Variants in THSD4 observed in about 807,000 individuals in gnomAD.
THSD4 encodes the protein thrombospondin type 1 domain containing 4.
In THSD4, 69 loss-of-function variants were observed where a neutral mutation model predicts 119.0. The ratio of observed to expected loss-of-function variants is 0.58; its 90% CI spans 0.48 to 0.71. The LOEUF (loss-of-function observed/expected upper bound fraction) is 0.71. Among genes scored for constraint, THSD4 ranks in the 30% least tolerant of loss-of-function variants. THSD4 has a pLI of 0.00. For missense variants in THSD4, 1,393 were observed against 1,391.1 expected (o/e 1.00, Z -0.02); for synonymous variants, 524 against 540.4 (o/e 0.97, Z 0.42).
intron 14 of THSD4, among the ~76,000 whole-genome samples, chr15:71,757,592 G>T: frequency 6.6e-6 from 1 of 152,222 alleles, no homozygotes; most frequent in East Asian, 1.9e-4. Flanking sequence ...CACAATACCC[G>T]GCCAAGCTGA....
At chr15:71,387,359 C>T (rs759155623) in intron 6 of THSD4, among the ~76,000 whole-genome samples, 5 of 152,096 alleles carry the variant, frequency 3.3e-5, no homozygotes, top group Non-Finnish European at 7.4e-5. Flanking sequence ...ACCCAAGAAT[C>T]GGGGCTTACA....
intron 4 of THSD4, among the ~76,000 whole-genome samples, chr15:71,236,579 A>G (rs1015726089): frequency 6.6e-6 from 1 of 152,234 alleles, no homozygotes; most frequent in Admixed American, 6.5e-5. Context: ...CAGAAATTAA[A>G]CAGGCACAAT....
intron 4 of THSD4, among the ~76,000 whole-genome samples, chr15:71,234,462 C>T (rs145876321): frequency 1.9e-3 from 286 of 152,276 alleles, no homozygotes; most frequent in African/African-American, 6.4e-3. Context: ...ATACCCACCA[C>T]GCCCAGCTGA....
intron 8 of THSD4, among the ~76,000 whole-genome samples, chr15:71,711,448 G>C (rs999865708): frequency 2.1e-4 from 32 of 151,856 alleles, no homozygotes; most frequent in African/African-American, 7.5e-4. Flanking sequence ...AGTTCAAAGA[G>C]ATATGACCAA....
At chr15:71,560,440 A>C (rs895575887) in intron 7 of THSD4, among the ~76,000 whole-genome samples, 1 of 152,188 alleles carries the variant, frequency 6.6e-6, no homozygotes, top group Admixed American at 6.5e-5. Context: ...TAGGTTAGTG[A>C]GGGCTAAGAT....
chr15:71,201,368 T>A (rs1726748619), intron 3 of THSD4, among the ~76,000 whole-genome samples: 1 of 152,196 alleles, frequency 6.6e-6, no homozygotes, highest in Non-Finnish European at 1.5e-5. Flanking sequence ...GTGGATTAAA[T>A]GACTTTATGA....
In THSD4 at chr15:71,277,128, C is replaced by CTTTTTTTTTTTTTTTTTTTTTTT. The variant is rs779207517; in HGVS notation, c.1015+20427_1015+20428insTTTTTTTTTTTTTTTTTTTTTTT. On this transcript the variant is annotated intron_variant, in intron 6 of 17. Coordinates refer to ENST00000261862, the MANE Select transcript of THSD4 (RefSeq NM_024817.3). ...TATTTGTATTTGAATTCTTCTTCTT[C>CTTTTTTTTTTTTTTTTTTTTTTT]TTTTTTTTTTTTTTGAAACGGAGTT... is the stretch of plus-strand genomic sequence containing the variant. 9.0e-4 allele frequency among the ~76,000 whole-genome samples: 111 copies of CTTTTTTTTTTTTTTTTTTTTTTT among 122,970 alleles called. 4 individuals carry two copies. The highest frequency in any genetic ancestry group is 1.6e-3 in the East Asian group (6 of 3,698). The allele number at this position is 122,970 out of a possible 152,430, so 80.7% of individuals were successfully genotyped here. A position where few individuals can be genotyped will look rare whatever the true frequency, so the allele number is the denominator to read the frequency against.
intron 6 of THSD4, among the ~76,000 whole-genome samples, chr15:71,322,659 G>A (rs1358872589): frequency 6.6e-6 from 1 of 152,188 alleles, no homozygotes; most frequent in African/African-American, 2.4e-5. Flanking sequence ...GGCTGGTGCT[G>A]GAGGATGGAC....
intron 6 of THSD4, among the ~76,000 whole-genome samples, chr15:71,268,313 C>T (rs1448082813): frequency 2.0e-5 from 3 of 152,126 alleles, no homozygotes; most frequent in South Asian, 2.1e-4. Flanking sequence ...CACTCAAAAC[C>T]GCACAACTGC....
At chr15:71,218,697 A>G (rs1421967181) in intron 4 of THSD4, among the ~76,000 whole-genome samples, 5 of 152,214 alleles carry the variant, frequency 3.3e-5, no homozygotes, top group African/African-American at 1.2e-4. Context: ...AGGTACTTGC[A>G]TAGTATATTT....
In THSD4 at chr15:71,130,573, C is replaced by A. The variant is rs560433162; in HGVS notation, c.-79-10876C>A. Among the ~76,000 whole-genome samples the A allele has an allele frequency of 8.5e-5, 13 of 152,300 alleles. No individual in the cohort carries two copies. In the East Asian group the frequency reaches 2.5e-3, roughly 29 times the overall value. Reference sequence around the variant, plus strand: ...ATTCAAATCGTGCTGCTGCCACTTACTACTTGTGTGACTCTGAGTAGGCAT... The same window carrying A: ...ATTCAAATCGTGCTGCTGCCACTTAATACTTGTGTGACTCTGAGTAGGCAT... On this transcript the variant is annotated intron_variant, in intron 1 of 17. Transcript: ENST00000261862.
At chr15:71,169,269 A>G (rs550495015) in intron 3 of THSD4, among the ~76,000 whole-genome samples, 31 of 152,332 alleles carry the variant, frequency 2.0e-4, no homozygotes, top group Admixed American at 1.4e-3. Flanking sequence ...GGCTAAAATA[A>G]AAAACACTAC....
rs531673980 is a variant in THSD4 at position 71,609,245 on chromosome 15, C to T, written c.1153-51285C>T. ...GCAATAAGTAACACATATATGAATT[C>T]ATACAAATTAGTTAACAAATACAAG... On this transcript the variant is annotated intron_variant, in intron 7 of 17. Transcript: ENST00000261862. Among the ~76,000 whole-genome samples, 7 of 152,256 alleles carry T rather than the reference C, an allele frequency of 4.6e-5. No homozygotes were observed. In the South Asian group the frequency reaches 1.2e-3, roughly 27 times the overall value.
rs557932164 is a variant in THSD4 at position 71,698,774 on chromosome 15, G to A, written c.1358-29775G>A. Among the ~76,000 whole-genome samples the A allele has an allele frequency of 2.6e-4, 39 of 151,716 alleles. No homozygotes were observed. In the South Asian group the frequency reaches 7.9e-3, roughly 31 times the overall value. Reference sequence around the variant, plus strand: ...AAATTCTGACATTTGTGACAACATGGGTGAACCTGAAGGACATTATGCCAA... The same window carrying A: ...AAATTCTGACATTTGTGACAACATGAGTGAACCTGAAGGACATTATGCCAA... On this transcript the variant is annotated intron_variant, in intron 8 of 17. Transcript: ENST00000261862.
At chr15:71,717,231 A>C (rs2141104488) in intron 8 of THSD4, among the ~76,000 whole-genome samples, 1 of 152,338 alleles carries the variant, frequency 6.6e-6, no homozygotes, top group African/African-American at 2.4e-5. Context: ...AGAAATTTAA[A>C]ACCAGGCTCC....
At chr15:71,713,821 T>C (rs1312625033) in intron 8 of THSD4, among the ~76,000 whole-genome samples, 3 of 152,216 alleles carry the variant, frequency 2.0e-5, no homozygotes, top group Non-Finnish European at 4.4e-5. Context: ...AAAGCATTGA[T>C]GTTTTAACAG....
Position 71,780,983 on chromosome 15 carries a change from G to T in THSD4, c.*3609G>T, listed in dbSNP as rs2053989633. On this transcript the variant is annotated 3_prime_UTR_variant, in exon 18 of 18. Coordinates refer to ENST00000261862, the MANE Select transcript of THSD4 (RefSeq NM_024817.3). ...CATTCGGATAGCCACTTTATAGTTGGAATATCAATTCTAATGAGGAGGAAG... is the reference window on the plus strand; with the variant it reads ...CATTCGGATAGCCACTTTATAGTTGTAATATCAATTCTAATGAGGAGGAAG... 3 of 344,148 alleles carry T rather than the reference G, an allele frequency of 8.7e-6. No homozygotes were observed. Among genetic ancestry groups the T allele is most frequent in the South Asian group, 6.9e-5 (3 of 43,642 alleles). 21.3% of individuals were successfully genotyped at this position (344,148 alleles called of 1,614,324 possible). A position where few individuals can be genotyped will look rare whatever the true frequency, so the allele number is the denominator to read the frequency against.
At chr15:71,196,306 C>T in intron 3 of THSD4, among the ~76,000 whole-genome samples, 1 of 152,154 alleles carries the variant, frequency 6.6e-6, no homozygotes, top group Non-Finnish European at 1.5e-5. Context: ...ATAGCAGCCA[C>T]CCAGAGTCCC....
intron 7 of THSD4, among the ~76,000 whole-genome samples, chr15:71,498,544 G>A (rs2048061986): frequency 6.6e-6 from 1 of 152,068 alleles, no homozygotes; most frequent in Non-Finnish European, 1.5e-5. Flanking sequence ...CTGTCTGTCT[G>A]GAATCATACC....
Sources: allele counts gnomAD v4.1 joint callset (sites outside exome capture counted in the v4.1 genomes callset), GRCh38; gene constraint gnomAD v4.1.1; transcripts MANE v1.5; gene names NCBI Gene and HGNC (gene_info 2026-07-23, HGNC 2026-07-21).